Variants in TMEM132B observed in about 807,000 individuals in gnomAD.
The protein encoded by TMEM132B is transmembrane protein 132B.
TMEM132B carries 18 observed loss-of-function variants against 90.8 expected under a neutral mutation model. That is an observed-to-expected ratio of 0.20 (90% CI 0.14 to 0.29). The LOEUF (loss-of-function observed/expected upper bound fraction) is 0.29, where lower values mean the gene tolerates loss of function less well. Among genes scored for constraint, TMEM132B ranks in the 10% least tolerant of loss-of-function variants. TMEM132B has a pLI of 1.00. For synonymous variants in TMEM132B, 504 were observed against 523.3 expected (o/e 0.96, Z 0.50); for missense variants, 1,096 against 1,326.8 (o/e 0.83, Z 2.70).
chr12:125,336,744 C>T (rs557496727), intron 1 of TMEM132B, among the ~76,000 whole-genome samples: 3 of 152,316 alleles, frequency 2.0e-5, no homozygotes, highest in African/African-American at 7.2e-5. Context: ...AGAGGGAAAT[C>T]GAATGGGAGG....
chr12:125,594,986 G>C (rs894549735), intron 5 of TMEM132B, among the ~76,000 whole-genome samples: 1 of 152,088 alleles, frequency 6.6e-6, no homozygotes, highest in Non-Finnish European at 1.5e-5. Context: ...AGAATGAATG[G>C]ATGCCATTCC....
chr12:125,361,660 G>A (rs1391627236), intron 2 of TMEM132B, among the ~76,000 whole-genome samples: 1 of 152,200 alleles, frequency 6.6e-6, no homozygotes, highest in Non-Finnish European at 1.5e-5. Flanking sequence ...TGTTTCCCAA[G>A]CTAACTGTCA....
rs1877475333 is a variant in TMEM132B, at chr12:125,349,381, A to G, written c.68-71A>G. On this transcript the variant is annotated intron_variant, in intron 1 of 8. Coordinates refer to ENST00000682704, the MANE Select transcript of TMEM132B (RefSeq NM_001366854.1). This position sits in a 1 kb window ranked among gnomAD's most constrained non-coding sequence, Gnocchi z 4.1. ...GGCGGTTTGTTGGGGAGGTGGGTGG[A>G]GACTGCACTGCATTTATTTCATTAC... 2.6e-6 allele frequency: 4 copies of G among 1,518,592 alleles called. No homozygotes were observed. Among genetic ancestry groups the G allele is most frequent in the Non-Finnish European group, 3.5e-6 (4 of 1,130,216 alleles). 94.1% of individuals were successfully genotyped at this position (1,518,592 alleles called of 1,614,324 possible).
chr12:125,551,016 T>C (rs1366672501), intron 4 of TMEM132B, among the ~76,000 whole-genome samples: 1 of 152,254 alleles, frequency 6.6e-6, no homozygotes, highest in East Asian at 1.9e-4. Flanking sequence ...TTTCACCATG[T>C]TGGCCAGGCT....
At chr12:125,573,868 A>T (rs549982642) in intron 4 of TMEM132B, among the ~76,000 whole-genome samples, 3 of 152,212 alleles carry the variant, frequency 2.0e-5, no homozygotes, top group Non-Finnish European at 4.4e-5. Context: ...TATTTATTTA[A>T]TGCCATCCTT....
At chr12:125,619,010 C>T (rs1886056664) in intron 5 of TMEM132B, among the ~76,000 whole-genome samples, 1 of 152,280 alleles carries the variant, frequency 6.6e-6, no homozygotes, top group South Asian at 2.1e-4. Context: ...AAGCATTCTG[C>T]TCCTGGCTGA....
chr12:125,560,024 A>G (rs1240798133), intron 4 of TMEM132B, among the ~76,000 whole-genome samples: 1 of 152,218 alleles, frequency 6.6e-6, no homozygotes, highest in Admixed American at 6.5e-5. Flanking sequence ...TCTTAATGCA[A>G]GGAAGTCACT....
rs58139864 is a variant in TMEM132B at position 125,260,512 on chromosome 12, C to CTTT, written c.67+73660_67+73662dup. ...GACCATAGGTCTTGCTAAGGTTTAC[C>CTTT]TTTTTTTTTTTTTTTTCGTAGAAAC... On this transcript the variant is annotated intron_variant, in intron 1 of 8. Transcript: ENST00000682704. Among the ~76,000 whole-genome samples, 36 of 137,258 alleles carry CTTT rather than the reference C, an allele frequency of 2.6e-4. 1 individual carries two copies. Among genetic ancestry groups the CTTT allele is most frequent in the African/African-American group, 9.0e-4 (34 of 37,948 alleles). The allele number at this position is 137,258 out of a possible 152,430, so 90.0% of individuals were successfully genotyped here. A position where few individuals can be genotyped will look rare whatever the true frequency, so the allele number is the denominator to read the frequency against.
At chr12:125,443,405 T>A (rs1262913354) in intron 3 of TMEM132B, among the ~76,000 whole-genome samples, 1 of 152,194 alleles carries the variant, frequency 6.6e-6, no homozygotes, top group Non-Finnish European at 1.5e-5. Context: ...CCTTTCTCTG[T>A]GAACTCCAGC....
chr12:125,239,359 CA>C (rs1468584266), intron 1 of TMEM132B, among the ~76,000 whole-genome samples: 1 of 152,042 alleles, frequency 6.6e-6, no homozygotes. Flanking sequence ...TGGTTGCAGG[CA>C]ACAGAAACTT....
At chr12:125,416,312 A>G (rs796822015) in intron 3 of TMEM132B, among the ~76,000 whole-genome samples, 34 of 152,294 alleles carry the variant, frequency 2.2e-4, no homozygotes, top group African/African-American at 7.5e-4. Context: ...TTCATTAAAC[A>G]CCAGTCTTCT....
intron 4 of TMEM132B, among the ~76,000 whole-genome samples, chr12:125,571,886 T>G (rs1249556324): frequency 6.6e-6 from 1 of 152,212 alleles, no homozygotes; most frequent in Non-Finnish European, 1.5e-5. Context: ...CAGACCATAT[T>G]CAAATTTTAT....
At position 125,458,737 on chromosome 12, in the gene TMEM132B, G is replaced by A. The variant is rs1593157176; in HGVS notation, c.1106+43060G>A. ...CGCCTGCACTGCTGTCACACTGGGTGGTGTTGTCAGGGTGACTCACGTGGA... is the reference window on the plus strand; with the variant it reads ...CGCCTGCACTGCTGTCACACTGGGTAGTGTTGTCAGGGTGACTCACGTGGA... On this transcript the variant is annotated intron_variant, in intron 3 of 8. Transcript: ENST00000682704. This position sits in a 1 kb window ranked among gnomAD's most constrained non-coding sequence, Gnocchi z 4.9. Among the ~76,000 whole-genome samples, 1 of 152,184 alleles carries A rather than the reference G, an allele frequency of 6.6e-6. No homozygotes were observed. Among genetic ancestry groups the A allele is most frequent in the Admixed American group, 6.5e-5 (1 of 15,282 alleles).
At chr12:125,403,315 T>A (rs977481030) in intron 2 of TMEM132B, among the ~76,000 whole-genome samples, 2 of 152,206 alleles carry the variant, frequency 1.3e-5, no homozygotes, top group Non-Finnish European at 2.9e-5. Context: ...TCCTTTGGAC[T>A]GTCTCATGCT....
chr12:125,647,803 T>A (rs1168137913), intron 6 of TMEM132B, among the ~76,000 whole-genome samples: 2 of 151,988 alleles, frequency 1.3e-5, no homozygotes, highest in Non-Finnish European at 2.9e-5. Context: ...GCATCAATTT[T>A]TTACATCATG....
chr12:125,530,315 T>A (rs1487330550), intron 4 of TMEM132B, among the ~76,000 whole-genome samples: 1 of 152,020 alleles, frequency 6.6e-6, no homozygotes, highest in Non-Finnish European at 1.5e-5. Context: ...TCTCTCTCTC[T>A]TTCTCTCTGT....
intron 2 of TMEM132B, among the ~76,000 whole-genome samples, chr12:125,387,811 C>T (rs1191255201): frequency 6.6e-6 from 1 of 152,144 alleles, no homozygotes; most frequent in African/African-American, 2.4e-5. Flanking sequence ...ATCCATCCAT[C>T]CATCCTTAAC....
chr12:125,409,642 AGT>A (rs1566026196), intron 2 of TMEM132B, among the ~76,000 whole-genome samples: 4,173 of 25,536 alleles, frequency 0.16, 391 homozygotes, highest in South Asian at 0.26. Flanking sequence ...GGAGTGGAGG[AGT>A]GGAGTGGAGT....
chr12:125,257,491 G>A (rs981417313), intron 1 of TMEM132B, among the ~76,000 whole-genome samples: 13 of 152,224 alleles, frequency 8.5e-5, no homozygotes, highest in African/African-American at 2.9e-4. Context: ...GCTGAACCCT[G>A]TGCATGTGTG....
Sources: gnomAD v4.1 joint callset for allele counts (sites outside exome capture counted in the v4.1 genomes callset) on GRCh38, gnomAD v4.1.1 for gene constraint, Gnocchi (gnomAD v3.1) non-coding constraint, MANE v1.5 for transcripts, NCBI Gene and HGNC (gene_info 2026-07-23, HGNC 2026-07-21) for gene names.